Variants in SMAP2 observed in about 807,000 individuals in gnomAD.
SMAP2 encodes stromal membrane-associated protein 2.
A neutral mutation model predicts 56.4 loss-of-function variants in SMAP2; 25 were observed. The ratio of observed to expected loss-of-function variants is 0.44; its 90% CI spans 0.32 to 0.62. The LOEUF (loss-of-function observed/expected upper bound fraction) is 0.62. Ranked by LOEUF, SMAP2 falls within the 20% of genes least tolerant of loss-of-function variation. The pLI, the probability that SMAP2 is intolerant of heterozygous loss-of-function variation, is 0.04. For synonymous variants in SMAP2, 157 were observed against 181.7 expected (o/e 0.86, Z 1.09); for missense variants, 388 against 545.6 (o/e 0.71, Z 2.88).
chr1:40,351,890 G>A (rs182635241), intron 1 of SMAP2, among the ~76,000 whole-genome samples: 7 of 151,762 alleles, frequency 4.6e-5, no homozygotes, highest in Non-Finnish European at 8.8e-5. Context: ...TACCCACCTC[G>A]GCCTCCCAAA....
chr1:40,347,441 T>A (rs1644393965), intron 1 of SMAP2, among the ~76,000 whole-genome samples: 1 of 152,132 alleles, frequency 6.6e-6, no homozygotes, highest in Non-Finnish European at 1.5e-5. Context: ...ATTTTTCTTA[T>A]GTTTATTAAC....
chr1:40,422,239 G>T lies in SMAP2; in HGVS notation c.*138G>T. On this transcript the variant is annotated 3_prime_UTR_variant, in exon 10 of 10. Coordinates refer to ENST00000372718, the MANE Select transcript of SMAP2 (RefSeq NM_022733.3). ...TGCTCAATAAGTCATTTGGGGTTTG[G>T]CATCCTGCCCAGCCACTTCCCAAAC... The T allele has an allele frequency of 8.2e-7, 1 of 1,215,828 alleles. No individual in the cohort carries two copies. Among genetic ancestry groups the T allele is most frequent in the Non-Finnish European group, 1.1e-6 (1 of 880,752 alleles). The allele number at this position is 1,215,828 out of a possible 1,614,324, so 75.3% of individuals were successfully genotyped here.
chr1:40,346,652 G>C (rs1453200240), intron 1 of SMAP2, among the ~76,000 whole-genome samples: 1 of 151,874 alleles, frequency 6.6e-6, no homozygotes, highest in Non-Finnish European at 1.5e-5. Context: ...TTACAGGCAT[G>C]AGCCACTGCA....
At chr1:40,375,866 A>C in intron 1 of SMAP2, 1 of 677,590 alleles carries the variant, frequency 1.5e-6, no homozygotes, top group Non-Finnish European at 1.8e-6. Flanking sequence ...ATACTTACTC[A>C]TATTCCAATA....
rs1305233250 is a variant in SMAP2, at chr1:40,374,108, CG to C, written c.-11del. 1.2e-6 allele frequency: 2 copies of C among 1,606,028 alleles called. No individual in the cohort carries two copies. Among genetic ancestry groups the C allele is most frequent in the Non-Finnish European group, 1.7e-6 (2 of 1,175,716 alleles). Reference sequence around the variant, plus strand: ...AGGGCGCGTCGCCCTCTGCCCCCGCCGGCACCCTGGCCATGACAGGCAAGTC... The same window carrying C: ...AGGGCGCGTCGCCCTCTGCCCCCGCCGCACCCTGGCCATGACAGGCAAGTC... On this transcript the variant is annotated 5_prime_UTR_variant, in exon 1 of 10. Transcript: ENST00000372718. This position sits in a 1 kb window ranked among gnomAD's most constrained non-coding sequence, Gnocchi z 5.9.
intron 1 of SMAP2, among the ~76,000 whole-genome samples, chr1:40,383,969 T>C (rs1644628089): frequency 6.6e-6 from 1 of 152,172 alleles, no homozygotes; most frequent in South Asian, 2.1e-4. Context: ...CGATCTCAGC[T>C]CACTGCCTCC....
At chr1:40,389,181 T>C (rs1016222360) in intron 1 of SMAP2, among the ~76,000 whole-genome samples, 1 of 152,222 alleles carries the variant, frequency 6.6e-6, no homozygotes, top group Non-Finnish European at 1.5e-5. Context: ...TGTGCGGAAA[T>C]ACCCTTGCGC....
At position 40,362,333 on chromosome 1, in the gene SMAP2, A is replaced by T. The variant is rs533145998; in HGVS notation, c.-49A>T. 3.3e-5 allele frequency: 5 copies of T among 152,350 alleles called. No homozygotes were observed. In the South Asian group the frequency reaches 1.0e-3, roughly 32 times the overall value. 9.4% of individuals were successfully genotyped at this position (152,350 alleles called of 1,614,324 possible). A position where few individuals can be genotyped will look rare whatever the true frequency, so the allele number is the denominator to read the frequency against. Reference sequence around the variant, plus strand: ...CAGAGAAGCCAGGTTGATGCCATCTATCAAAGTTGTCTCTTAGACCTCAGA... The same window carrying T: ...CAGAGAAGCCAGGTTGATGCCATCTTTCAAAGTTGTCTCTTAGACCTCAGA... On this transcript the variant is annotated 5_prime_UTR_variant, in exon 2 of 7. Coordinates refer to the SMAP2 transcript ENST00000435168.
In SMAP2 at chr1:40,408,739, G is replaced by T; in HGVS notation, c.323+1G>T. ...CCTTTCGGCGACCTCAGATAGACCC[G>T]TATCTTTTCTGGAGCAACTTAGAAG... On this transcript the variant is annotated splice_donor_variant, in intron 3 of 9. Transcript: ENST00000372718. LOFTEE classifies it high-confidence loss of function. The surrounding 1 kb of genome is among the most constrained non-coding windows in gnomAD (Gnocchi z 4.3). The T allele has an allele frequency of 6.2e-7, 1 of 1,612,740 alleles. No individual in the cohort carries two copies. The highest frequency in any genetic ancestry group is 8.5e-7 in the Non-Finnish European group (1 of 1,178,954).
intron 9 of SMAP2, among the ~76,000 whole-genome samples, chr1:40,417,468 A>C (rs995980056): frequency 6.6e-6 from 1 of 152,168 alleles, no homozygotes; most frequent in African/African-American, 2.4e-5. Flanking sequence ...GCATATAAAC[A>C]CCAAATCCAG....
At position 40,416,879 on chromosome 1, in the gene SMAP2, C is replaced by A. The variant is rs1292983593; in HGVS notation, c.947C>A (p.Pro316Gln). 3 of 1,614,208 alleles carry A rather than the reference C, an allele frequency of 1.9e-6. No homozygotes were observed. The East Asian group carries it at 6.7e-5, about 36-fold the overall frequency. ...AGCATAATGGGGAGCATGATGCCTCCACCAGTAGGCATGGTTGCTCAGCCA... is the reference window on the plus strand; with the variant it reads ...AGCATAATGGGGAGCATGATGCCTCAACCAGTAGGCATGGTTGCTCAGCCA... ...PNSIMGSMMP[P>Q]PVGMVAQPGA... Residue 316 changes from proline (P) to glutamine (Q), a missense_variant, in exon 9 of 10, where the codon CCA becomes CAA. Transcript: ENST00000372718.
At chr1:40,378,399 A>C (rs752612906) in intron 1 of SMAP2, among the ~76,000 whole-genome samples, 1 of 152,224 alleles carries the variant, frequency 6.6e-6, no homozygotes, top group Non-Finnish European at 1.5e-5. Context: ...TGTGTCCACT[A>C]TTGGGACACT....
At chr1:40,410,691 A>G (rs1644926688) in intron 4 of SMAP2, among the ~76,000 whole-genome samples, 1 of 152,156 alleles carries the variant, frequency 6.6e-6, no homozygotes, top group Admixed American at 6.6e-5. Flanking sequence ...CATCCTAGGC[A>G]TGTTTAGAAT....
In SMAP2 at chr1:40,423,028, T is replaced by G. The variant is rs184851954; in HGVS notation, c.*927T>G. On this transcript the variant is annotated 3_prime_UTR_variant, in exon 10 of 10. Transcript: ENST00000372718. Reference sequence around the variant, plus strand: ...ATTTATCAGCAGCCTAAAACTGTTGTGTTTTTCTTATGGTTTAAAAAACGC... The same window carrying G: ...ATTTATCAGCAGCCTAAAACTGTTGGGTTTTTCTTATGGTTTAAAAAACGC... The G allele has an allele frequency of 6.5e-6, 1 of 152,720 alleles. No homozygotes were observed. The highest frequency in any genetic ancestry group is 2.4e-5 in the African/African-American group (1 of 41,522). The allele number at this position is 152,720 out of a possible 1,614,324, so 9.5% of individuals were successfully genotyped here.
chr1:40,376,892 A>G (rs16827247), intron 1 of SMAP2, among the ~76,000 whole-genome samples: 14,501 of 152,228 alleles, frequency 0.095, 737 homozygotes, highest in East Asian at 0.17. Flanking sequence ...TATTTTTGCA[A>G]TGTTCCAAAA....
Position 40,361,958 on chromosome 1 carries a change from G to A in SMAP2, c.-82-342G>A, listed in dbSNP as rs146974621. Reference sequence around the variant, plus strand: ...AATGCAAAAGAGGCCAGTGAGGAGCGTTTAAAGAAGGGACCATTTTGTAAA... The same window carrying A: ...AATGCAAAAGAGGCCAGTGAGGAGCATTTAAAGAAGGGACCATTTTGTAAA... On this transcript the variant is annotated intron_variant, in intron 1 of 6. Coordinates refer to the SMAP2 transcript ENST00000435168. 2.9e-3 allele frequency among the ~76,000 whole-genome samples: 444 copies of A among 152,316 alleles called. 1 individual carries two copies. The highest frequency in any genetic ancestry group is 9.9e-3 in the African/African-American group (413 of 41,556).
At position 40,422,148 on chromosome 1, in the gene SMAP2, C is replaced by G. The variant is rs776145426; in HGVS notation, c.*47C>G. On this transcript the variant is annotated 3_prime_UTR_variant, in exon 10 of 10. Transcript: ENST00000372718. ...GCCATTCTCTTCAGCCCTCGCTCTC[C>G]CCTTTCCACAGCCTCCACCCCTGAC... The G allele has an allele frequency of 3.7e-6, 6 of 1,608,246 alleles. No homozygotes were observed. The African/African-American group carries it at 4.0e-5, about 11-fold the overall frequency.
At chr1:40,372,493 C>G (rs542373906), upstream of SMAP2, among the ~76,000 whole-genome samples, 1 of 152,210 alleles carries the variant, frequency 6.6e-6, no homozygotes, top group Admixed American at 6.5e-5. Context: ...ATGGTAATAC[C>G]TACTTGGATG....
Position 40,408,288 on chromosome 1 carries a change from A to T in SMAP2, c.238-365A>T, listed in dbSNP as rs192841728. 6.6e-6 allele frequency among the ~76,000 whole-genome samples: 1 copy of T among 152,354 alleles called. No individual in the cohort carries two copies. The highest frequency in any genetic ancestry group is 1.9e-4 in the East Asian group (1 of 5,190). On this transcript the variant is annotated intron_variant, in intron 2 of 9. Transcript: ENST00000372718. This position sits in a 1 kb window ranked among gnomAD's most constrained non-coding sequence, Gnocchi z 4.3. The stretch of plus-strand genomic sequence containing the variant: ...AACACATTTATTGGAATTGATTAAT[A>T]GTATAAACTCAGAATGATAACACTG...
Sources: gnomAD v4.1 joint callset for allele counts (sites outside exome capture counted in the v4.1 genomes callset) on GRCh38, gnomAD v4.1.1 for gene constraint, Gnocchi (gnomAD v3.1) non-coding constraint, MANE v1.5 for transcripts, NCBI Gene and HGNC (gene_info 2026-07-23, HGNC 2026-07-21) for gene names.